Variants in DGCR8 observed in about 807,000 individuals in gnomAD.
DGCR8 encodes microprocessor complex subunit DGCR8.
Under a neutral mutation model 78.5 loss-of-function variants are expected in DGCR8, and 14 were observed. The ratio of observed to expected loss-of-function variants is 0.18; its 90% confidence interval spans 0.12 to 0.28. The LOEUF is 0.28. Ranked by LOEUF, DGCR8 falls within the 10% of genes least tolerant of loss-of-function variation. DGCR8 has a pLI of 1.00. For synonymous variants in DGCR8, 399 were observed against 402.4 expected (o/e 0.99, Z 0.10); for missense variants, 702 against 1,022.5 (o/e 0.69, Z 4.28).
chr22:20,092,315 CT>C (rs1391305373), intron 7 of DGCR8, among the ~76,000 whole-genome samples: 1 of 152,172 alleles, frequency 6.6e-6, no homozygotes, highest in African/African-American at 2.4e-5. Flanking sequence ...CCTGGTGCCC[CT>C]GGGTGTCTGA....
rs375425509 is a variant in DGCR8, at chr22:20,111,364, CTT to C, written c.*1269_*1270del. 1.2e-3 allele frequency: 445 copies of C among 379,836 alleles called. No individual in the cohort carries two copies. The highest frequency in any genetic ancestry group is 1.6e-3 in the Non-Finnish European group (344 of 217,210). 23.5% of individuals were successfully genotyped at this position (379,836 alleles called of 1,614,324 possible). ...CCCCCTACAGGCGGTACTGATGGCG[CTT>C]TTTTTTTTTTTTCTGTCAGGAAAAC... On this transcript the variant is annotated 3_prime_UTR_variant, in exon 14 of 14. Coordinates refer to ENST00000351989, the MANE Select transcript of DGCR8 (RefSeq NM_022720.7).
chr22:20,095,047 G>A (rs737935), intron 9 of DGCR8, among the ~76,000 whole-genome samples: 6,817 of 152,200 alleles, frequency 0.045, 209 homozygotes, highest in South Asian at 0.096. Flanking sequence ...AGTGTGCACC[G>A]TAAATGTCGG....
At position 20,089,995 on chromosome 22, in the gene DGCR8, G is replaced by A. The variant is rs1486027999; in HGVS notation, c.1043G>A (p.Ser348Asn). 4 of 1,612,952 alleles carry A rather than the reference G, an allele frequency of 2.5e-6. No individual in the cohort carries two copies. Residue 348 changes from serine (S) to asparagine (N), a missense_variant, in exon 5 of 14, where the codon AGT becomes AAT. This residue lies in a region of DGCR8 where 119 missense variants were observed against 126.1 expected (regional missense o/e 0.94). Coordinates refer to ENST00000351989, the MANE Select transcript of DGCR8 (RefSeq NM_022720.7). The surrounding 1 kb of genome is among the most constrained non-coding windows in gnomAD (Gnocchi z 4.9). ...CCACAGAAACACGACCCTCCTCTGA[G>A]TAGCATCCCTTGTCTGCATTATAAG... Reference protein sequence around the residue: ...GSIRKHDPPLSSIPCLHYKKM... With the variant: ...GSIRKHDPPLNSIPCLHYKKM...
Position 20,086,785 on chromosome 22 carries a change from A to C in DGCR8, c.720+102A>C. On this transcript the variant is annotated intron_variant, in intron 2 of 13. Transcript: ENST00000351989. The surrounding 1 kb of genome is among the most constrained non-coding windows in gnomAD (Gnocchi z 6.4). Reference sequence around the variant, plus strand: ...AAGCAGGGAAATTAAAAAAAAAAAAAACAAAAACCAAAATCCCCTCTGAGG... The same window carrying C: ...AAGCAGGGAAATTAAAAAAAAAAAACACAAAAACCAAAATCCCCTCTGAGG... 8 of 1,339,756 alleles carry C rather than the reference A, an allele frequency of 6.0e-6. No individual in the cohort carries two copies. Among genetic ancestry groups the C allele is most frequent in the South Asian group, 1.4e-5 (1 of 69,144 alleles). 83.0% of individuals were successfully genotyped at this position (1,339,756 alleles called of 1,614,324 possible).
Position 20,085,983 on chromosome 22 carries a change from C to G in DGCR8, c.20C>G (p.Pro7Arg), listed in dbSNP as rs2049476994. ...TTTAATATGGAGACAGATGAGAGCC[C>G]CTCTCCGCTCCCGTGTGGGCCCGCA... is the stretch of plus-strand genomic sequence containing the variant. METDES[P>R]SPLPCGPAGE... The change falls in exon 2 of 14, where the codon CCC becomes CGC. Residue 7 changes from proline to arginine, a missense_variant. Transcript: ENST00000351989. The surrounding 1 kb of genome is among the most constrained non-coding windows in gnomAD (Gnocchi z 6.2). The G allele has an allele frequency of 1.3e-6, 2 of 1,596,358 alleles. No individual in the cohort carries two copies. The highest frequency in any genetic ancestry group is 1.7e-6 in the Non-Finnish European group (2 of 1,170,850).
intron 9 of DGCR8, chr22:20,102,248 C>T (rs916187598): frequency 3.9e-5 from 10 of 258,478 alleles, no homozygotes; most frequent in Non-Finnish European, 5.4e-5. Context: ...ACTCTCCCAC[C>T]TGTATCCTCT....
In DGCR8 at chr22:20,091,505, G is replaced by A; in HGVS notation, c.1377G>A (p.Arg459=). The change falls in exon 6 of 14, where the codon AGG becomes AGA. Residue 459 remains arginine (R), a synonymous_variant. Transcript: ENST00000351989. ...DFEQVTVKKF[R]TWAERRQFNR... ...AGCAAGTTACTGTGAAAAAATTCAG[G>A]ACTTGGGCTGAGCGGCGGCAATTCA... The A allele has an allele frequency of 6.2e-7, 1 of 1,614,224 alleles. No homozygotes were observed. The highest frequency in any genetic ancestry group is 8.5e-7 in the Non-Finnish European group (1 of 1,180,050).
chr22:20,085,857 G>T lies in DGCR8; in HGVS notation c.-107G>T. On this transcript the variant is annotated 5_prime_UTR_variant, in exon 2 of 14. Transcript: ENST00000351989. This position sits in a 1 kb window ranked among gnomAD's most constrained non-coding sequence, Gnocchi z 6.2. Reference sequence around the variant, plus strand: ...TGACTAAGCCGCCAGCGCACAGCGCGGCAGGACGCGCCCGGGTCTCAGCGG... The same window carrying T: ...TGACTAAGCCGCCAGCGCACAGCGCTGCAGGACGCGCCCGGGTCTCAGCGG... 6.7e-7 allele frequency: 1 copy of T among 1,498,370 alleles called. No homozygotes were observed. The highest frequency in any genetic ancestry group is 8.8e-7 in the Non-Finnish European group (1 of 1,131,332). The allele number at this position is 1,498,370 out of a possible 1,614,324, so 92.8% of individuals were successfully genotyped here.
Position 20,111,172 on chromosome 22 carries a change from T to C in DGCR8, c.*1064T>C. 1 of 398,770 alleles carries C rather than the reference T, an allele frequency of 2.5e-6. No individual in the cohort carries two copies. The highest frequency in any genetic ancestry group is 4.4e-6 in the Non-Finnish European group (1 of 226,062). 24.7% of individuals were successfully genotyped at this position (398,770 alleles called of 1,614,324 possible). ...CTTGCTTCTCGACTGGTGGCCCCTATGGGTGGGTGTGCGATGGAAATGTGT... is the reference window on the plus strand; with the variant it reads ...CTTGCTTCTCGACTGGTGGCCCCTACGGGTGGGTGTGCGATGGAAATGTGT... On this transcript the variant is annotated 3_prime_UTR_variant, in exon 14 of 14. Transcript: ENST00000351989.
At position 20,108,790 on chromosome 22, in the gene DGCR8, C is replaced by CGCGCCTACCTTGCCAGACCCTGGGT. The variant is rs2049800268; in HGVS notation, c.2125-94_2125-93insACCTTGCCAGACCCTGGGTGCGCCT. ...TGTTTCGTGTCTGCCAGACCCTGGG[C>CGCGCCTACCTTGCCAGACCCTGGGT]GCGCCTGCCTTCAGGGTCCCAGGCA... On this transcript the variant is annotated intron_variant, in intron 12 of 13. Transcript: ENST00000351989. 9.3e-5 allele frequency: 71 copies of CGCGCCTACCTTGCCAGACCCTGGGT among 767,244 alleles called. No individual in the cohort carries two copies. The South Asian group carries it at 9.5e-4, about 10-fold the overall frequency. The allele number at this position is 767,244 out of a possible 1,614,324, so 47.5% of individuals were successfully genotyped here. A position where few individuals can be genotyped will look rare whatever the true frequency, so the allele number is the denominator to read the frequency against.
intron 3 of DGCR8, among the ~76,000 whole-genome samples, chr22:20,088,631 G>A (rs1224318867): frequency 6.6e-6 from 1 of 152,216 alleles, no homozygotes; most frequent in Non-Finnish European, 1.5e-5. Flanking sequence ...CACGCAGTGT[G>A]CATGCACCCC....
At chr22:20,098,367 A>G (rs2147931138) in intron 9 of DGCR8, among the ~76,000 whole-genome samples, 1 of 152,250 alleles carries the variant, frequency 6.6e-6, no homozygotes, top group Non-Finnish European at 1.5e-5. Flanking sequence ...TGTTTCTGGT[A>G]AGTCCAGTTC....
intron 12 of DGCR8, chr22:20,108,289 A>G (rs2049793330): frequency 6.5e-6 from 1 of 152,744 alleles, no homozygotes; most frequent in Non-Finnish European, 1.5e-5. Context: ...CTTGGCTGTG[A>G]CGGAGGGAGA....
rs201393758 is a variant in DGCR8, at chr22:20,087,296, G to C, written c.855G>C (p.Met285Ile). 8.7e-6 allele frequency: 14 copies of C among 1,612,822 alleles called. No individual in the cohort carries two copies. In the Admixed American group the frequency reaches 1.5e-4, roughly 17 times the overall value. ...SDGETSVQPM[M>I]TKIKTVLKSR... ...GAGAGACAAGTGTGCAGCCGATGAT[G>C]ACCAAGATTAAAACAGTGCTCAAAA... Residue 285 changes from methionine (M) to isoleucine (I), a missense_variant, in exon 3 of 14, where the codon ATG becomes ATC. By Grantham distance (10) the Met-to-Ile change is conservative. Coordinates refer to ENST00000351989, the MANE Select transcript of DGCR8 (RefSeq NM_022720.7). This position sits in a 1 kb window ranked among gnomAD's most constrained non-coding sequence, Gnocchi z 4.1.
chr22:20,082,392 A>G (rs987313379), intron 1 of DGCR8, among the ~76,000 whole-genome samples: 1 of 150,742 alleles, frequency 6.6e-6, no homozygotes, highest in African/African-American at 2.4e-5. Flanking sequence ...TTTGAGACAG[A>G]GTCTCGCTTT....
intron 7 of DGCR8, among the ~76,000 whole-genome samples, chr22:20,092,365 C>T (rs577117781): frequency 6.6e-6 from 1 of 152,188 alleles, no homozygotes; most frequent in Non-Finnish European, 1.5e-5. Context: ...GCTCTGTCTT[C>T]CTTGGGTGCC....
chr22:20,092,942 T>A, intron 8 of DGCR8, 35 bp downstream of exon 8: 1 of 1,555,532 alleles, frequency 6.4e-7, no homozygotes, highest in African/African-American at 1.4e-5. Context: ...AGATACGTGC[T>A]GCCTGCTGTG....
At chr22:20,107,619 T>A (rs1294158521) in intron 12 of DGCR8, 2 of 575,150 alleles carry the variant, frequency 3.5e-6, no homozygotes, top group African/African-American at 3.8e-5. Flanking sequence ...TGTGGGTGAT[T>A]GGGAACGCAG....
rs577822951 is a variant in DGCR8, at chr22:20,095,034, T to C, written c.1788+239T>C. On this transcript the variant is annotated intron_variant, in intron 9 of 13. Coordinates refer to ENST00000351989, the MANE Select transcript of DGCR8 (RefSeq NM_022720.7). ...GAGATTTTTGTCCTCTTTTGCAGCA[T>C]TGAGTGTGCACCGTAAATGTCGGGT... is the stretch of plus-strand genomic sequence containing the variant. Among the ~76,000 whole-genome samples the C allele has an allele frequency of 3.3e-5, 5 of 152,320 alleles. No homozygotes were observed. The South Asian group carries it at 1.0e-3, about 32-fold the overall frequency.
Sources: gnomAD v4.1 joint callset for allele counts (sites outside exome capture counted in the v4.1 genomes callset) on GRCh38, gnomAD v4.1.1 for gene constraint, gnomAD v4.1.1 regional missense constraint, Gnocchi (gnomAD v3.1) non-coding constraint, MANE v1.5 for transcripts, NCBI Gene and HGNC (gene_info 2026-07-23, HGNC 2026-07-21) for gene names.